Variants in MRPS27 observed in about 807,000 individuals in gnomAD.
MRPS27 encodes small ribosomal subunit protein mS27.
A neutral mutation model predicts 48.9 loss-of-function variants in MRPS27; 43 were observed. The observed-to-expected ratio is 0.88, with a 90% CI of 0.69 to 1.13. The LOEUF is 1.13. Among genes scored for constraint, MRPS27 ranks in the 50% most tolerant of loss-of-function variants. The pLI is 0.00. For missense variants in MRPS27, 467 were observed against 476.3 expected, an observed-to-expected ratio of 0.98 and a Z score of 0.18; for synonymous variants, 188 against 171.9, an observed-to-expected ratio of 1.09 and a Z score of -0.73.
intron 4 of MRPS27, among the ~76,000 whole-genome samples, chr5:72,255,901 C>T (rs776698430): frequency 1.3e-5 from 2 of 152,276 alleles, no homozygotes; most frequent in African/African-American, 2.4e-5. Flanking sequence ...GGCTTCTTCA[C>T]GACCCAAGCA....
chr5:72,248,669 T>TAA (rs36063387), intron 4 of MRPS27, among the ~76,000 whole-genome samples: 3,388 of 70,100 alleles, frequency 0.048, 348 homozygotes, highest in African/African-American at 0.19. Context: ...CATTTTCATT[T>TAA]AAAAAAAAAA....
chr5:72,274,259 C>G (rs759867709), intron 4 of MRPS27, among the ~76,000 whole-genome samples: 1 of 152,202 alleles, frequency 6.6e-6, no homozygotes, highest in Non-Finnish European at 1.5e-5. Context: ...GAGGCTGAGG[C>G]AGGAGAATCG....
At chr5:72,270,480 T>C (rs1749210337) in intron 4 of MRPS27, among the ~76,000 whole-genome samples, 2 of 151,800 alleles carry the variant, frequency 1.3e-5, no homozygotes. Flanking sequence ...AATAACAATA[T>C]AAAATAAAAC....
At chr5:72,288,379 G>A (rs999589857) in intron 4 of MRPS27, among the ~76,000 whole-genome samples, 26 of 151,996 alleles carry the variant, frequency 1.7e-4, no homozygotes, top group African/African-American at 6.3e-4. Context: ...AGCTAATTTT[G>A]TTTTTGTATT....
intron 4 of MRPS27, among the ~76,000 whole-genome samples, chr5:72,272,025 C>A (rs943202175): frequency 6.8e-6 from 1 of 147,790 alleles, no homozygotes; most frequent in South Asian, 2.1e-4. Context: ...CCCCTCTAAA[C>A]AAACAAACAA....
intron 4 of MRPS27, among the ~76,000 whole-genome samples, chr5:72,248,274 C>T (rs73125481): frequency 0.014 from 2,103 of 152,172 alleles, 55 homozygotes; most frequent in African/African-American, 0.046. Context: ...AGGTTAAGTA[C>T]CAGAGGCAAT....
intron 6 of MRPS27, among the ~76,000 whole-genome samples, chr5:72,233,550 T>C (rs1748116161): frequency 6.6e-6 from 1 of 152,194 alleles, no homozygotes; most frequent in African/African-American, 2.4e-5. Context: ...CCTACCCAGC[T>C]GGTTTTGCAC....
intron 4 of MRPS27, among the ~76,000 whole-genome samples, chr5:72,290,638 A>G (rs1188583886): frequency 6.6e-6 from 1 of 152,172 alleles, no homozygotes; most frequent in Non-Finnish European, 1.5e-5. Context: ...AATTCTTAGG[A>G]ATGCTCTAAG....
intron 2 of MRPS27, among the ~76,000 whole-genome samples, chr5:72,311,634 G>A (rs1055730754): frequency 6.6e-6 from 1 of 152,170 alleles, no homozygotes; most frequent in Non-Finnish European, 1.5e-5. Context: ...GTGATGCTCT[G>A]AGCCACCTCA....
At chr5:72,311,916 T>C (rs920981924) in intron 2 of MRPS27, among the ~76,000 whole-genome samples, 2 of 152,198 alleles carry the variant, frequency 1.3e-5, no homozygotes, top group Non-Finnish European at 2.9e-5. Flanking sequence ...GCAGATCACC[T>C]GACACCAGGA....
At chr5:72,312,047 G>A (rs61409783) in intron 2 of MRPS27, among the ~76,000 whole-genome samples, 9,846 of 152,206 alleles carry the variant, frequency 0.065, 575 homozygotes, top group African/African-American at 0.16. Context: ...CAGGAGAATC[G>A]CTTGAACCCA....
At chr5:72,226,699 GA>G (rs58537193) in intron 8 of MRPS27, among the ~76,000 whole-genome samples, 49,319 of 147,828 alleles carry the variant, frequency 0.33, 8,498 homozygotes, top group Non-Finnish European at 0.38. Context: ...CAATCCTTAT[GA>G]AAAAAAAAAA....
intron 1 of MRPS27, 120 bp downstream of exon 1, chr5:72,320,029 C>T: frequency 9.7e-7 from 1 of 1,029,696 alleles, no homozygotes; most frequent in Non-Finnish European, 1.5e-6. Flanking sequence ...CTACCAAACA[C>T]CCCAAATGGC....
chr5:72,312,945 T>C (rs552831232), intron 2 of MRPS27, among the ~76,000 whole-genome samples: 8 of 152,280 alleles, frequency 5.3e-5, no homozygotes, highest in Middle Eastern at 6.8e-3. Context: ...ACAGTAAGTA[T>C]AGATAGATTA....
rs536251166 is a variant in MRPS27 at position 72,316,650 on chromosome 5, G to A, written c.74-2492C>T. On this transcript the variant is annotated intron_variant, in intron 1 of 10. Coordinates refer to ENST00000261413, the MANE Select transcript of MRPS27 (RefSeq NM_015084.3). ...CCCAAAGTGCTGGGATTACAGGCGT[G>A]AGCCACCATGCCTGGCCTGAATTGT... is the stretch of plus-strand genomic sequence containing the variant. Among the ~76,000 whole-genome samples, 751 of 151,984 alleles carry A rather than the reference G, an allele frequency of 4.9e-3. 1 individual carries two copies. The highest frequency in any genetic ancestry group is 8.5e-3 in the Non-Finnish European group (575 of 67,960).
rs767353760 is a variant in MRPS27 at position 72,320,170 on chromosome 5, G to C, written c.52C>G (p.Leu18Val). 25 of 1,613,824 alleles carry C rather than the reference G, an allele frequency of 1.5e-5. No individual in the cohort carries two copies. The East Asian group carries it at 5.6e-4, about 36-fold the overall frequency. The stretch of plus-strand genomic sequence containing the variant: ...CAACCTGCAGGAGAGAGCTGAGGAA[G>C]AACCACTTGCCGCGCCAGGAGCATC... ...RGMLLARQVV[L>V]PQLSPAGKRY... Residue 18 changes from leucine to valine, a missense_variant, in exon 1 of 11, where the codon CTT (leucine) becomes GTT (valine). Physicochemically the swap from Leu to Val is conservative, Grantham distance 32. Coordinates refer to ENST00000261413, the MANE Select transcript of MRPS27 (RefSeq NM_015084.3).
intron 4 of MRPS27, among the ~76,000 whole-genome samples, chr5:72,255,507 C>A (rs1748777402): frequency 6.6e-6 from 1 of 152,178 alleles, no homozygotes; most frequent in Non-Finnish European, 1.5e-5. Flanking sequence ...GTTCAATGCC[C>A]ATGCCTCACA....
intron 4 of MRPS27, among the ~76,000 whole-genome samples, chr5:72,285,969 C>A (rs528634681): frequency 6.6e-6 from 1 of 152,340 alleles, no homozygotes; most frequent in African/African-American, 2.4e-5. Flanking sequence ...GTCTTACAGA[C>A]ACGAATCCGT....
chr5:72,263,884 T>C (rs1243976643), intron 4 of MRPS27, among the ~76,000 whole-genome samples: 1 of 152,124 alleles, frequency 6.6e-6, no homozygotes, highest in East Asian at 1.9e-4. Flanking sequence ...ACCCAAAAAT[T>C]CTATTCCTAG....
Sources: allele counts gnomAD v4.1 joint callset (sites outside exome capture counted in the v4.1 genomes callset), GRCh38; gene constraint gnomAD v4.1.1; transcripts MANE v1.5; gene names NCBI Gene and HGNC (gene_info 2026-07-23, HGNC 2026-07-21).